Variants in UVSSA observed in about 807,000 individuals in gnomAD.
UVSSA encodes UV-stimulated scaffold protein A.
Under a neutral mutation model 73.9 loss-of-function variants are expected in UVSSA, and 72 were observed. That is an observed-to-expected ratio of 0.97 (90% CI 0.81 to 1.19). The LOEUF (loss-of-function observed/expected upper bound fraction) is 1.19, where lower values mean the gene tolerates loss of function less well. Among genes scored for constraint, UVSSA ranks in the 50% most tolerant of loss-of-function variants. The probability of loss-of-function intolerance (pLI) is 0.00; values close to 1 mark genes in which losing one functional copy is unlikely to be tolerated. For missense variants in UVSSA, 1,150 were observed against 965.0 expected, an observed-to-expected ratio of 1.19 and a Z score of -2.54; for synonymous variants, 454 against 391.3, an observed-to-expected ratio of 1.16 and a Z score of -1.89.
intron 6 of UVSSA, 57 bp downstream of exon 6, chr4:1,354,904 G>GGGGT (rs1553877122): frequency 2.2e-6 from 3 of 1,370,820 alleles, no homozygotes; most frequent in South Asian, 1.2e-5. Flanking sequence ...TGCCATGCAT[G>GGGGT]GGGGGGGTCC....
At chr4:1,374,863 G>A (rs191862068) in intron 8 of UVSSA, 1 of 159,754 alleles carries the variant, frequency 6.3e-6, no homozygotes, top group Admixed American at 6.1e-5. Flanking sequence ...CCTGTGTGGA[G>A]CTGTGCGTCT....
At chr4:1,372,015 A>G (rs555845855) in intron 8 of UVSSA, among the ~76,000 whole-genome samples, 2 of 152,314 alleles carry the variant, frequency 1.3e-5, no homozygotes, top group East Asian at 3.9e-4. Context: ...TTGAGACTGC[A>G]TTTGTAAGTT....
chr4:1,353,212 C>A lies in UVSSA; in HGVS notation c.733C>A (p.Pro245Thr), dbSNP rs761185498. 6.2e-7 allele frequency: 1 copy of A among 1,612,482 alleles called. No homozygotes were observed. Among genetic ancestry groups the A allele is most frequent in the Non-Finnish European group, 8.5e-7 (1 of 1,179,846 alleles). Residue 245 changes from proline to threonine, a missense_variant, in exon 5 of 14, where the codon CCC (proline) becomes ACC (threonine). Coordinates refer to ENST00000389851, the MANE Select transcript of UVSSA (RefSeq NM_020894.4). ...CCCCTGCCGGTCTGGCACCCCTGACCCCCGGGACGGGGAGCAGCCCTGCTG... is the reference window on the plus strand; with the variant it reads ...CCCCTGCCGGTCTGGCACCCCTGACACCCGGGACGGGGAGCAGCCCTGCTG... ...VGPCRSGTPD[P>T]RDGEQPCCSR...
chr4:1,346,903 G>C (rs911576209), upstream of UVSSA, among the ~76,000 whole-genome samples: 1 of 152,202 alleles, frequency 6.6e-6, no homozygotes, highest in Non-Finnish European at 1.5e-5. Context: ...CCCACCCCCG[G>C]CAGCCTGCCT....
chr4:1,364,505 C>T (rs917977783), intron 7 of UVSSA, among the ~76,000 whole-genome samples: 1 of 152,240 alleles, frequency 6.6e-6, no homozygotes, highest in Non-Finnish European at 1.5e-5. Context: ...TTCCTCCCTT[C>T]AGGAAACAGC....
chr4:1,353,451 C>T (rs1214355055), intron 5 of UVSSA, 38 bp downstream of exon 5: 4 of 1,443,434 alleles, frequency 2.8e-6, no homozygotes, highest in Non-Finnish European at 3.6e-6. Context: ...CGCCACCCTG[C>T]CCCGGCTCCC....
intron 4 of UVSSA, among the ~76,000 whole-genome samples, 189 bp from the exon 5 acceptor site, chr4:1,352,841 A>G (rs1272098292): frequency 6.6e-6 from 1 of 152,202 alleles, no homozygotes; most frequent in Admixed American, 6.5e-5. Flanking sequence ...GCTAATCAGG[A>G]GGCTGAGGCG....
In UVSSA at chr4:1,383,753, G is replaced by A. The variant is rs748491896; in HGVS notation, c.1862-13G>A. On this transcript the variant is annotated splice_polypyrimidine_tract_variant and intron_variant, in intron 12 of 13. Coordinates refer to ENST00000389851, the MANE Select transcript of UVSSA (RefSeq NM_020894.4). ...GCCAGACGTCTCCTGAAGTGCTTGA[G>A]TTTTGTTTGCAGAATGGCAGGACCC... 6.2e-7 allele frequency: 1 copy of A among 1,612,964 alleles called. No homozygotes were observed. Among genetic ancestry groups the A allele is most frequent in the Non-Finnish European group, 8.5e-7 (1 of 1,179,974 alleles).
At position 1,380,208 on chromosome 4, in the gene UVSSA, G is replaced by T. The variant is rs1326114622; in HGVS notation, c.1730G>T (p.Cys577Phe). ...CRAPRPDGRL[C>F]ERQDRLKCPF... ...GCCCCGAGGCCAGACGGCCGGCTCT[G>T]TGAGCGCCAAGACCGGCTGAAGGTG... Residue 577 changes from cysteine to phenylalanine, a missense_variant, in exon 11 of 14, where the codon TGT becomes TTT. Transcript: ENST00000389851. 8.7e-6 allele frequency: 14 copies of T among 1,612,298 alleles called. No homozygotes were observed. Among genetic ancestry groups the T allele is most frequent in the Non-Finnish European group, 1.2e-5 (14 of 1,179,734 alleles).
At chr4:1,361,939 G>A (rs560988224) in intron 7 of UVSSA, among the ~76,000 whole-genome samples, 85 of 151,472 alleles carry the variant, frequency 5.6e-4, no homozygotes, top group Non-Finnish European at 1.0e-3. Flanking sequence ...AATTGAGACC[G>A]CGTACCAAGT....
Position 1,349,736 on chromosome 4 carries a change from A to G in UVSSA, c.311A>G (p.Glu104Gly). 1 of 1,613,244 alleles carries G rather than the reference A, an allele frequency of 6.2e-7. No individual in the cohort carries two copies. Among genetic ancestry groups the G allele is most frequent in the Non-Finnish European group, 8.5e-7 (1 of 1,179,630 alleles). Residue 104 changes from glutamate to glycine, a missense_variant, in exon 3 of 14, where the codon GAG becomes GGG. By Grantham distance (98) the Glu-to-Gly change is moderately conservative (BLOSUM62 -2). Coordinates refer to ENST00000389851, the MANE Select transcript of UVSSA (RefSeq NM_020894.4). The part of the protein sequence containing the change: ...DPAQPLPPPR[E>G]AAQRLRQATT... ...GCACAGCCTCTGCCGCCCCCCAGGG[A>G]GGCGGCACAGAGGCTGAGGCAGGCG...
chr4:1,370,608 C>T (rs539588084), intron 8 of UVSSA, among the ~76,000 whole-genome samples: 16 of 152,358 alleles, frequency 1.1e-4, no homozygotes, highest in East Asian at 3.9e-4. Context: ...TCTCCAGCTT[C>T]GGGGGCCACA....
chr4:1,346,107 G>A (rs1396016012), upstream of UVSSA, among the ~76,000 whole-genome samples: 1 of 152,176 alleles, frequency 6.6e-6, no homozygotes, highest in Non-Finnish European at 1.5e-5. Flanking sequence ...AGAAGCTGGT[G>A]CTGCAGAGAG....
At chr4:1,377,345 C>T (rs1204338616) in intron 10 of UVSSA, among the ~76,000 whole-genome samples, 1 of 152,200 alleles carries the variant, frequency 6.6e-6, no homozygotes, top group Non-Finnish European at 1.5e-5. Context: ...GTAAGCGAGG[C>T]AGGCCCTGGT....
intron 3 of UVSSA, among the ~76,000 whole-genome samples, chr4:1,351,292 C>G (rs1210937064): frequency 2.0e-5 from 3 of 151,914 alleles, no homozygotes; most frequent in African/African-American, 7.3e-5. Flanking sequence ...TCTCAATCTC[C>G]TGACCTTGTG....
In UVSSA at chr4:1,386,272, A is replaced by G. The variant is rs1720106822; in HGVS notation, c.*311A>G. The G allele has an allele frequency of 1.5e-5, 5 of 328,506 alleles. No individual in the cohort carries two copies. 20.3% of individuals were successfully genotyped at this position (328,506 alleles called of 1,614,324 possible). On this transcript the variant is annotated 3_prime_UTR_variant, in exon 14 of 14. Coordinates refer to ENST00000389851, the MANE Select transcript of UVSSA (RefSeq NM_020894.4). ...CAGTGCTTGTCGTGGTGTGGGGTTC[A>G]GCACGGACGGAATGTGTGTGCAGCT... is the stretch of plus-strand genomic sequence containing the variant.
At chr4:1,364,556 C>G (rs533543661) in intron 7 of UVSSA, among the ~76,000 whole-genome samples, 92 of 152,346 alleles carry the variant, frequency 6.0e-4, no homozygotes, top group Non-Finnish European at 1.2e-3. Context: ...GCTGGGAATG[C>G]TTTTTAGAGA....
chr4:1,394,389 C>T, exon 14 of UVSSA: 1 of 1,481,838 alleles, frequency 6.7e-7, no homozygotes, highest in Non-Finnish European at 9.2e-7. Flanking sequence ...TCTTCTAGTA[C>T]TTTTATGGGT....
chr4:1,354,691 C>CGCCA (rs1300998253), intron 5 of UVSSA, 44 bp from the exon 6 acceptor site: 1 of 1,567,834 alleles, frequency 6.4e-7, no homozygotes, highest in Non-Finnish European at 8.7e-7. Flanking sequence ...CTGTGGGAGA[C>CGCCA]GCCAGTCGGC....
Sources: allele counts gnomAD v4.1 joint callset (sites outside exome capture counted in the v4.1 genomes callset), GRCh38; gene constraint gnomAD v4.1.1; transcripts MANE v1.5; gene names NCBI Gene and HGNC (gene_info 2026-07-23, HGNC 2026-07-21).